ZSCAN5A: variants seen among roughly 807,000 people sequenced by gnomAD.
ZSCAN5A encodes the protein zinc finger and SCAN domain-containing protein 5A.
In ZSCAN5A, 12 loss-of-function variants were observed where a neutral mutation model predicts 23.7. The ratio of observed to expected loss-of-function variants is 0.51; its 90% CI spans 0.32 to 0.82. ZSCAN5A has a LOEUF of 0.82. ZSCAN5A is among the 40% of genes least tolerant of loss of function. The probability of loss-of-function intolerance (pLI) is 0.03; values close to 1 mark genes in which losing one functional copy is unlikely to be tolerated. For missense variants in ZSCAN5A, 597 were observed against 617.9 expected (o/e 0.97, Z 0.36); for synonymous variants, 257 against 239.9 (o/e 1.07, Z -0.66).
At chr19:56,317,889 A>G (rs2041334190), upstream of ZSCAN5A, 1 of 152,340 alleles carries the variant, frequency 6.6e-6, no homozygotes. Context: ...TGTGCATGCC[A>G]GAGTCAGGCC....
intron 2 of ZSCAN5A, among the ~76,000 whole-genome samples, chr19:56,338,931 A>G (rs1301708009): frequency 6.6e-6 from 1 of 152,214 alleles, no homozygotes; most frequent in African/African-American, 2.4e-5. Context: ...CAAAGCATAT[A>G]TGGAAGGAGA....
intron 2 of ZSCAN5A, among the ~76,000 whole-genome samples, chr19:56,237,299 G>A (rs368533760): frequency 3.3e-5 from 5 of 152,072 alleles, no homozygotes; most frequent in Non-Finnish European, 7.4e-5. Context: ...TCTCCTTTGC[G>A]GCGGTGCTTT....
chr19:56,318,875 G>C (rs1252286727), upstream of ZSCAN5A, among the ~76,000 whole-genome samples: 1 of 152,096 alleles, frequency 6.6e-6, no homozygotes, highest in Non-Finnish European at 1.5e-5. Flanking sequence ...TGATGGATAT[G>C]AGGCAGACCA....
chr19:56,333,106 T>C (rs4801706), intron 2 of ZSCAN5A, among the ~76,000 whole-genome samples: 29,162 of 151,760 alleles, frequency 0.19, 3,666 homozygotes, highest in African/African-American at 0.36. Context: ...TTTTTTAGTA[T>C]TGATGGTAGA....
At position 56,223,785 on chromosome 19, in the gene ZSCAN5A, A is replaced by G. The variant is rs781344716; in HGVS notation, c.434T>C (p.Ile145Thr). 9 of 1,613,848 alleles carry G rather than the reference A, an allele frequency of 5.6e-6. No individual in the cohort carries two copies. The highest frequency in any genetic ancestry group is 7.6e-6 in the Non-Finnish European group (9 of 1,180,010). Residue 145 changes from isoleucine to threonine, a missense_variant, in exon 4 of 6, where the codon ATC becomes ACC. Transcript: ENST00000683990. The stretch of plus-strand genomic sequence containing the variant: ...ACTGGAGGGGGCTTCAGCCATCTCG[A>G]TATCTGAGTCCTGCACAATATATTC... Reference protein sequence around the residue: ...GKEYIVQDSDIEMAEAPSSVR... With the variant: ...GKEYIVQDSDTEMAEAPSSVR...
chr19:56,260,284 G>A (rs993612956), intron 2 of ZSCAN5A, among the ~76,000 whole-genome samples: 4 of 146,180 alleles, frequency 2.7e-5, no homozygotes, highest in Non-Finnish European at 4.5e-5. Flanking sequence ...GTGCGATCTC[G>A]GCTCACTGCA....
At chr19:56,322,084 C>T (rs1042614523) in intron 2 of ZSCAN5A, 1 of 765,696 alleles carries the variant, frequency 1.3e-6, no homozygotes, top group East Asian at 2.4e-5. Flanking sequence ...TTCTTCTCCT[C>T]CCATAACAAG....
At chr19:56,301,325 G>A (rs998254693) in intron 2 of ZSCAN5A, among the ~76,000 whole-genome samples, 1 of 152,090 alleles carries the variant, frequency 6.6e-6, no homozygotes, top group African/African-American at 2.4e-5. Context: ...GGAGCTGAGG[G>A]TGCCTCCCCT....
chr19:56,245,415 C>G (rs776632949), intron 2 of ZSCAN5A: 1 of 691,878 alleles, frequency 1.4e-6, no homozygotes, highest in African/African-American at 1.8e-5. Flanking sequence ...CCTGCACTGT[C>G]CAGAAGGCAG....
chr19:56,302,114 G>T, intron 2 of ZSCAN5A: 1 of 1,230,780 alleles, frequency 8.1e-7, no homozygotes. Context: ...AAGGCAGCAC[G>T]GAGGGGAGGA....
chr19:56,224,919 G>C lies in ZSCAN5A; in HGVS notation c.128C>G (p.Ser43Cys), dbSNP rs376633535. 3.2e-5 allele frequency: 52 copies of C among 1,613,932 alleles called. No individual in the cohort carries two copies. Among genetic ancestry groups the C allele is most frequent in the Non-Finnish European group, 4.2e-5 (49 of 1,180,008 alleles). ...GCTGAACATCCTGAAGTTCACGTGA[G>C]AAATCTCAGGGTCCACGTCGTGATT... ...LGNHDVDPEI[S>C]HVNFRMFSCP... The change falls in exon 3 of 6, where the codon TCT becomes TGT. Residue 43 changes from serine (S) to cysteine (C), a missense_variant. Around this residue, in one of 5 missense-constraint regions of ZSCAN5A, gnomAD observed 72 missense variants for 76.8 expected, o/e 0.94. Coordinates refer to ENST00000683990, the MANE Select transcript of ZSCAN5A (RefSeq NM_001322064.3).
intron 1 of ZSCAN5A, among the ~76,000 whole-genome samples, chr19:56,313,703 TGTTA>T: frequency 6.6e-6 from 1 of 152,374 alleles, no homozygotes; most frequent in South Asian, 2.1e-4. Context: ...AGGTGCTTGA[TGTTA>T]GTTTTTTGTA....
chr19:56,355,469 A>G (rs957719196), intron 2 of ZSCAN5A, among the ~76,000 whole-genome samples: 1 of 148,498 alleles, frequency 6.7e-6, no homozygotes, highest in African/African-American at 2.5e-5. Context: ...TTTTTTTCCC[A>G]ATTTTTACTG....
At chr19:56,239,497 G>A (rs2035242708) in intron 2 of ZSCAN5A, among the ~76,000 whole-genome samples, 1 of 152,192 alleles carries the variant, frequency 6.6e-6, no homozygotes, top group African/African-American at 2.4e-5. Context: ...GACCCTCAGT[G>A]TATCTATAAA....
chr19:56,320,931 T>C (rs1600280004), intron 2 of ZSCAN5A: 1 of 753,474 alleles, frequency 1.3e-6, no homozygotes, highest in Admixed American at 1.7e-5. Flanking sequence ...GCTGTTCTAC[T>C]TGGTCCTGCT....
At chr19:56,362,742 G>C (rs1011518632) in intron 2 of ZSCAN5A, among the ~76,000 whole-genome samples, 10 of 151,850 alleles carry the variant, frequency 6.6e-5, no homozygotes, top group African/African-American at 2.2e-4. Context: ...ATAGTGGCAG[G>C]CACCTGTAGT....
chr19:56,323,946 C>T (rs1225501736), intron 2 of ZSCAN5A, among the ~76,000 whole-genome samples: 2 of 152,100 alleles, frequency 1.3e-5, no homozygotes, highest in Non-Finnish European at 2.9e-5. Context: ...ATTGGGACTC[C>T]ATCACCCCAA....
chr19:56,319,880 T>G, intron 2 of ZSCAN5A: 1 of 856,940 alleles, frequency 1.2e-6, no homozygotes, highest in South Asian at 1.3e-5. Flanking sequence ...CACCCTTCCT[T>G]TTTGAATAGC....
chr19:56,270,150 A>G (rs1323955962), intron 2 of ZSCAN5A, among the ~76,000 whole-genome samples: 3 of 13,856 alleles, frequency 2.2e-4, no homozygotes, highest in African/African-American at 4.6e-4. Flanking sequence ...ACGCTGGGTG[A>G]AAAAAAAAAA....
Sources: gnomAD v4.1 joint callset for allele counts (sites outside exome capture counted in the v4.1 genomes callset) on GRCh38, gnomAD v4.1.1 for gene constraint, gnomAD v4.1.1 regional missense constraint, MANE v1.5 for transcripts, NCBI Gene and HGNC (gene_info 2026-07-23, HGNC 2026-07-21) for gene names.